The following EHD4 variants were observed in gnomAD, a reference collection of about 807,000 sequenced individuals.
The protein encoded by EHD4 is EH domain containing 4.
A neutral mutation model predicts 51.0 loss-of-function variants in EHD4; 37 were observed. That is an observed-to-expected ratio of 0.73 (90% CI 0.56 to 0.95). The LOEUF (loss-of-function observed/expected upper bound fraction) is 0.95, where lower values mean the gene tolerates loss of function less well. Ranked by LOEUF, EHD4 falls within the 40% of genes least tolerant of loss-of-function variation. The probability of loss-of-function intolerance (pLI) is 0.00; values close to 1 mark genes in which losing one functional copy is unlikely to be tolerated. For missense variants in EHD4, 632 were observed against 733.1 expected, an observed-to-expected ratio of 0.86 and a Z score of 1.59; for synonymous variants, 297 against 317.3, an observed-to-expected ratio of 0.94 and a Z score of 0.68.
intron 1 of EHD4, among the ~76,000 whole-genome samples, chr15:41,954,627 A>C (rs1458766207): frequency 2.0e-5 from 3 of 152,202 alleles, no homozygotes; most frequent in Non-Finnish European, 2.9e-5. Flanking sequence ...TATGTAAATA[A>C]AACTGAAAAA....
intron 3 of EHD4, among the ~76,000 whole-genome samples, chr15:41,938,130 G>A (rs903177516): frequency 2.0e-5 from 3 of 152,164 alleles, no homozygotes; most frequent in African/African-American, 7.2e-5. Context: ...TTTTCCACTT[G>A]TGGCATCACG....
At chr15:41,942,125 G>GGAACCC (rs1436838563) in intron 3 of EHD4, 7 of 152,258 alleles carry the variant, frequency 4.6e-5, no homozygotes, top group South Asian at 4.1e-4. Flanking sequence ...TGTGATGGCA[G>GGAACCC]GAACCCATCC....
chr15:41,919,885 C>T (rs1452228816), intron 3 of EHD4, among the ~76,000 whole-genome samples: 1 of 152,188 alleles, frequency 6.6e-6, no homozygotes, highest in African/African-American at 2.4e-5. Flanking sequence ...TTCATATCTG[C>T]GATTTCATTT....
At chr15:41,910,366 C>G (rs937051626) in intron 4 of EHD4, among the ~76,000 whole-genome samples, 1 of 152,198 alleles carries the variant, frequency 6.6e-6, no homozygotes, top group African/African-American at 2.4e-5. Context: ...TCATTCTGCA[C>G]AAGACCAGCT....
intron 5 of EHD4, 44 bp from the exon 6 acceptor site, chr15:41,901,225 C>T: frequency 6.7e-7 from 1 of 1,501,832 alleles, no homozygotes; most frequent in Non-Finnish European, 8.8e-7. Context: ...GTGGTCTCTT[C>T]AGGGGGAAAC....
chr15:41,909,552 T>C (rs1300334410), intron 5 of EHD4, 147 bp downstream of exon 5: 2 of 954,858 alleles, frequency 2.1e-6, no homozygotes, highest in South Asian at 1.6e-5. Flanking sequence ...GCTTTATTCA[T>C]AGCCTATTAT....
At chr15:41,906,572 G>A (rs1437944320) in intron 5 of EHD4, among the ~76,000 whole-genome samples, 1 of 152,230 alleles carries the variant, frequency 6.6e-6, no homozygotes, top group Non-Finnish European at 1.5e-5. Context: ...CACCATTGCA[G>A]GGTAGCCGTG....
intron 2 of EHD4, among the ~76,000 whole-genome samples, chr15:41,948,186 G>C (rs1352750704): frequency 6.6e-6 from 1 of 152,056 alleles, no homozygotes; most frequent in Non-Finnish European, 1.5e-5. Context: ...CCGGGAGGCA[G>C]AGTTTGCAGT....
At chr15:41,911,486 G>A (rs1462771524) in intron 4 of EHD4, among the ~76,000 whole-genome samples, 3 of 152,062 alleles carry the variant, frequency 2.0e-5, no homozygotes, top group Admixed American at 2.0e-4. Flanking sequence ...TGGTGTGGGT[G>A]GGCTGGGGAG....
At chr15:41,940,663 T>C (rs1022082205) in intron 3 of EHD4, among the ~76,000 whole-genome samples, 5 of 152,130 alleles carry the variant, frequency 3.3e-5, no homozygotes, top group African/African-American at 1.2e-4. Context: ...GCTATTTCTG[T>C]GCATAGGATG....
chr15:41,932,959 C>T lies in EHD4; in HGVS notation c.511+10108G>A, dbSNP rs536815817. On this transcript the variant is annotated intron_variant, in intron 3 of 5. Transcript: ENST00000220325. ...CCAGTTCTATAAAATGAATCATGAC[C>T]GCCCCTATCACCAGTTATTAATCAT... Among the ~76,000 whole-genome samples the T allele has an allele frequency of 2.1e-3, 325 of 152,280 alleles. 1 individual carries two copies. Among genetic ancestry groups the T allele is most frequent in the South Asian group, 0.013 (63 of 4,824 alleles).
At chr15:41,959,415 A>G (rs1448562804) in intron 1 of EHD4, among the ~76,000 whole-genome samples, 1 of 123,906 alleles carries the variant, frequency 8.1e-6, no homozygotes, top group African/African-American at 2.7e-5. Context: ...AAAAAAAAAA[A>G]AAAAAAAAGA....
chr15:41,907,870 G>A (rs943954652), intron 5 of EHD4, among the ~76,000 whole-genome samples: 99 of 107,752 alleles, frequency 9.2e-4, no homozygotes, highest in South Asian at 8.5e-3. Context: ...GTGTGTGTGT[G>A]TATATATTTA....
At chr15:41,945,945 G>T (rs769699294) in intron 2 of EHD4, among the ~76,000 whole-genome samples, 3 of 152,180 alleles carry the variant, frequency 2.0e-5, no homozygotes. Context: ...ACTCCTCTGC[G>T]CCCAGTCTCC....
chr15:41,964,144 C>CAAAAAA (rs755699829), intron 1 of EHD4, among the ~76,000 whole-genome samples: 33 of 26,424 alleles, frequency 1.2e-3, no homozygotes, highest in East Asian at 4.0e-3. Flanking sequence ...GACTCCATCT[C>CAAAAAA]AAAAAAAAAA....
At chr15:41,918,048 G>A (rs904757633) in intron 4 of EHD4, among the ~76,000 whole-genome samples, 3 of 152,148 alleles carry the variant, frequency 2.0e-5, no homozygotes, top group Non-Finnish European at 1.5e-5. Context: ...CTGGCACGAG[G>A]ACAGGCTGCT....
intron 3 of EHD4, among the ~76,000 whole-genome samples, chr15:41,934,906 T>C (rs1223082524): frequency 1.3e-5 from 2 of 152,196 alleles, no homozygotes; most frequent in Admixed American, 6.5e-5. Context: ...CTAATAATTC[T>C]AGGTAATCAA....
intron 2 of EHD4, among the ~76,000 whole-genome samples, chr15:41,951,603 G>A (rs1704405): frequency 0.78 from 118,318 of 152,074 alleles, 46,142 homozygotes; most frequent in Middle Eastern, 0.84. Context: ...AGCTTATTTC[G>A]TTAAGCCTTT....
intron 1 of EHD4, among the ~76,000 whole-genome samples, chr15:41,968,412 T>C (rs985914946): frequency 6.6e-6 from 1 of 151,874 alleles, no homozygotes; most frequent in Non-Finnish European, 1.5e-5. Context: ...ACAGGGATTG[T>C]GGGATGGCTA....
Sources: allele counts gnomAD v4.1 joint callset (sites outside exome capture counted in the v4.1 genomes callset), GRCh38; gene constraint gnomAD v4.1.1; transcripts MANE v1.5; gene names NCBI Gene and HGNC (gene_info 2026-07-23, HGNC 2026-07-21).